The following ATRIP variants were observed in gnomAD, a reference collection of about 807,000 sequenced individuals.
ATRIP encodes the protein ATR interacting protein.
ATRIP carries 44 observed loss-of-function variants against 78.1 expected under a neutral mutation model. The observed-to-expected ratio is 0.56, with a 90% CI of 0.44 to 0.72. The LOEUF (loss-of-function observed/expected upper bound fraction) is 0.72, where lower values mean the gene tolerates loss of function less well. Among genes scored for constraint, ATRIP ranks in the 30% least tolerant of loss-of-function variants. The pLI is 0.00. For missense variants in ATRIP, 927 were observed against 980.2 expected, an observed-to-expected ratio of 0.95 and a Z score of 0.72; for synonymous variants, 388 against 408.9, an observed-to-expected ratio of 0.95 and a Z score of 0.62.
At chr3:48,456,509 A>G (rs2039958697) in intron 4 of ATRIP, among the ~76,000 whole-genome samples, 1 of 151,880 alleles carries the variant, frequency 6.6e-6, no homozygotes, top group African/African-American at 2.4e-5. Flanking sequence ...TGAGGTGGGA[A>G]GATCACTAAG....
At chr3:48,456,206 C>CT (rs1410767301) in intron 4 of ATRIP, among the ~76,000 whole-genome samples, 1 of 152,004 alleles carries the variant, frequency 6.6e-6, no homozygotes, top group African/African-American at 2.4e-5. Flanking sequence ...ACACAGGAGG[C>CT]TAAGGCAGGA....
intron 1 of ATRIP, 40 bp downstream of exon 1, chr3:48,447,132 C>A: frequency 6.9e-7 from 1 of 1,450,732 alleles, no homozygotes; most frequent in Non-Finnish European, 9.1e-7. Flanking sequence ...AGGGAGTTGT[C>A]AACCGCGCCA....
Position 48,464,601 on chromosome 3 carries a change from A to G in ATRIP, c.1994A>G (p.Lys665Arg), listed in dbSNP as rs780066444. 2.5e-6 allele frequency: 4 copies of G among 1,614,152 alleles called. No homozygotes were observed. Among genetic ancestry groups the G allele is most frequent in the Non-Finnish European group, 3.4e-6 (4 of 1,180,002 alleles). Residue 665 changes from lysine (K) to arginine (R), a missense_variant, in exon 11 of 13, where the codon AAG becomes AGG. Physicochemically the swap from Lys to Arg is conservative, Grantham distance 26. Transcript: ENST00000320211. ...LEQEVVWLLA[K>R]LGVQSPLPPV... ...TTCTAGGTGGTGTGGCTCCTGGCTAAGCTTGGTGTGCAGAGCCCCTTGCCC... is the reference window on the plus strand; with the variant it reads ...TTCTAGGTGGTGTGGCTCCTGGCTAGGCTTGGTGTGCAGAGCCCCTTGCCC...
chr3:48,463,721 T>C, intron 8 of ATRIP, 24 bp from the exon 9 acceptor site: 1 of 1,613,544 alleles, frequency 6.2e-7, no homozygotes, highest in East Asian at 2.2e-5. Flanking sequence ...GAGTGTCACG[T>C]CTCTCTGGGT....
At chr3:48,448,161 CTTTTTTT>C (rs34075060) in intron 1 of ATRIP, among the ~76,000 whole-genome samples, 1 of 116,766 alleles carries the variant, frequency 8.6e-6, no homozygotes, top group Admixed American at 9.9e-5. Context: ...CGTGAACACC[CTTTTTTT>C]TTTTTTTTTT....
chr3:48,451,810 G>C lies in ATRIP; in HGVS notation c.463G>C (p.Val155Leu), dbSNP rs370971747. 6.2e-7 allele frequency: 1 copy of C among 1,612,888 alleles called. No homozygotes were observed. The highest frequency in any genetic ancestry group is 1.3e-5 in the African/African-American group (1 of 74,910). The part of the protein sequence containing the change: ...LRDSLHQTES[V>L]LEEQRRSHFL... ...AGACTCACTACATCAGACGGAATCC[G>C]TTCTAGAGGAACAGAGAAGATCACA... The change falls in exon 3 of 13, where the codon GTT becomes CTT. Residue 155 changes from valine to leucine, a missense_variant. Transcript: ENST00000320211.
Position 48,460,620 on chromosome 3 carries a change from G to A in ATRIP, c.1566G>A (p.Met522Ile). Residue 522 changes from methionine to isoleucine, a missense_variant, in exon 8 of 13, where the codon ATG becomes ATA. Met to Ile is a conservative substitution (Grantham distance 10). Coordinates refer to ENST00000320211, the MANE Select transcript of ATRIP (RefSeq NM_130384.3). The part of the protein sequence containing the change: ...SLVHRLSDGD[M>I]TSALRGVADD... ...TTCACAGGCTTAGTGATGGAGATAT[G>A]ACCTCAGCCCTAAGGGGGGTTGCTG... is the stretch of plus-strand genomic sequence containing the variant. The A allele has an allele frequency of 5.6e-6, 9 of 1,614,198 alleles. No individual in the cohort carries two copies. Among genetic ancestry groups the A allele is most frequent in the African/African-American group, 1.3e-5 (1 of 75,052 alleles).
intron 1 of ATRIP, among the ~76,000 whole-genome samples, chr3:48,447,875 A>G (rs1379188605): frequency 6.6e-6 from 1 of 152,056 alleles, no homozygotes; most frequent in East Asian, 1.9e-4. Context: ...CTCTCCATCC[A>G]GTGGCACAAA....
intron 12 of ATRIP, among the ~76,000 whole-genome samples, 189 bp downstream of exon 12, chr3:48,465,272 A>G (rs544610849): frequency 1.3e-5 from 2 of 152,302 alleles, no homozygotes; most frequent in South Asian, 2.1e-4. Flanking sequence ...TTTTGCATCT[A>G]TCTGTTGAGT....
At position 48,466,905 on chromosome 3, in the gene ATRIP, A is replaced by G. The variant is rs775075513; in HGVS notation, c.*1351A>G. The G allele has an allele frequency of 9.3e-6, 15 of 1,611,968 alleles. No homozygotes were observed. The Admixed American group carries it at 2.5e-4, about 27-fold the overall frequency. ...GGCCTGCAGCCCTGCAGCCAGCGAG[A>G]TCACAGGTCTGAGCACAGCTGTGCT... On this transcript the variant is annotated 3_prime_UTR_variant, in exon 13 of 13. Transcript: ENST00000320211.
chr3:48,447,642 C>A, intron 1 of ATRIP: 2 of 674,064 alleles, frequency 3.0e-6, no homozygotes, highest in Non-Finnish European at 3.7e-6. Context: ...CTTCATGGAG[C>A]TTACATTCTA....
intron 1 of ATRIP, chr3:48,447,354 T>A: frequency 8.8e-7 from 1 of 1,141,754 alleles, no homozygotes; most frequent in Non-Finnish European, 1.1e-6. Flanking sequence ...TTAGGCCACT[T>A]GGTTCTTGGT....
At chr3:48,447,251 C>A in intron 1 of ATRIP, 159 bp downstream of exon 1, 1 of 1,267,280 alleles carries the variant, frequency 7.9e-7, no homozygotes, top group Non-Finnish European at 9.9e-7. Flanking sequence ...TCCAGAAGGT[C>A]CTTTGATTTT....
chr3:48,451,189 CA>C (rs796597857), intron 2 of ATRIP, among the ~76,000 whole-genome samples: 40 of 141,936 alleles, frequency 2.8e-4, no homozygotes, highest in Admixed American at 3.5e-4. Context: ...GACTCCGTCT[CA>C]AAAAAAAAAA....
chr3:48,460,821 A>G, intron 8 of ATRIP, 22 bp downstream of exon 8: 3 of 1,568,414 alleles, frequency 1.9e-6, no homozygotes, highest in Non-Finnish European at 2.6e-6. Context: ...CATAGGAGTC[A>G]TGATTCTTTG....
At position 48,464,083 on chromosome 3, in the gene ATRIP, G is replaced by C; in HGVS notation, c.1925G>C (p.Arg642Pro). Residue 642 changes from arginine to proline, a missense_variant, in exon 10 of 13, where the codon CGG becomes CCG. Transcript: ENST00000320211. ...CTGCTGTACATGTACATCACATCAC[G>C]GCCTGACAGAGTGGCCTTGGAGACA... ...LLLLYMYITSRPDRVALETQW... is the reference protein window; with the variant it reads ...LLLLYMYITSPPDRVALETQW... 1.2e-6 allele frequency: 2 copies of C among 1,613,822 alleles called. No individual in the cohort carries two copies. Among genetic ancestry groups the C allele is most frequent in the South Asian group, 1.1e-5 (1 of 91,072 alleles).
chr3:48,449,023 T>C (rs1002107451), intron 1 of ATRIP, among the ~76,000 whole-genome samples: 1 of 152,214 alleles, frequency 6.6e-6, no homozygotes, highest in Non-Finnish European at 1.5e-5. Context: ...ATCATTGAGT[T>C]CTGGCCAATG....
intron 10 of ATRIP, 83 bp downstream of exon 10, chr3:48,464,215 G>C (rs1450175431): frequency 2.4e-6 from 3 of 1,237,032 alleles, no homozygotes; most frequent in South Asian, 1.2e-5. Context: ...CCGCTGAGGA[G>C]AAACGGAGCT....
chr3:48,449,770 C>CAAAAAAAAA (rs779657943), intron 1 of ATRIP, among the ~76,000 whole-genome samples: 1 of 43,314 alleles, frequency 2.3e-5, no homozygotes. Flanking sequence ...TACTAAAATC[C>CAAAAAAAAA]AAAAAAAAAA....
Sources: allele counts gnomAD v4.1 joint callset (sites outside exome capture counted in the v4.1 genomes callset), GRCh38; gene constraint gnomAD v4.1.1; transcripts MANE v1.5; gene names NCBI Gene and HGNC (gene_info 2026-07-23, HGNC 2026-07-21).